The following KLHL13 variants were observed in gnomAD, a reference collection of about 807,000 sequenced individuals.
The protein encoded by KLHL13 is kelch-like protein 13.
A neutral mutation model predicts 37.1 loss-of-function variants in KLHL13; 10 were observed. The ratio of observed to expected loss-of-function variants is 0.27; its 90% confidence interval spans 0.17 to 0.46. The LOEUF is 0.46. KLHL13 is among the 20% of genes least tolerant of loss of function. The probability of loss-of-function intolerance (pLI) is 1.00; values close to 1 mark genes in which losing one functional copy is unlikely to be tolerated. For synonymous variants in KLHL13, 163 were observed against 181.2 expected (o/e 0.90, Z 0.81); for missense variants, 360 against 509.3 (o/e 0.71, Z 2.82).
At chrX:118,041,281 C>A (rs1231428782) in intron 1 of KLHL13, among the ~76,000 whole-genome samples, 3 of 112,190 alleles carry the variant, frequency 2.7e-5, no homozygotes, top group African/African-American at 9.7e-5. Flanking sequence ...AGCCCCAGTA[C>A]TTTGGGGGAC....
intron 1 of KLHL13, among the ~76,000 whole-genome samples, chrX:118,058,867 A>C (rs2054712115): frequency 8.9e-6 from 1 of 111,813 alleles, no homozygotes; most frequent in Non-Finnish European, 1.9e-5. Context: ...ACAGTAAAGA[A>C]ACAAGTAAAA....
chrX:117,940,040 G>A (rs1932938249), intron 2 of KLHL13, among the ~76,000 whole-genome samples: 1 of 111,876 alleles, frequency 8.9e-6, no homozygotes, highest in Admixed American at 9.5e-5. Flanking sequence ...GAATGGTATT[G>A]CCTAGGTTTT....
At chrX:117,924,482 T>C (rs1466731066) in intron 2 of KLHL13, among the ~76,000 whole-genome samples, 1 of 112,426 alleles carries the variant, frequency 8.9e-6, no homozygotes, top group African/African-American at 3.2e-5. Context: ...CCTTTTACTG[T>C]AAAATCATTT....
rs12846376 is a variant in KLHL13, at chrX:117,919,146, C to T, written c.570+375G>A. 4.7e-3 allele frequency among the ~76,000 whole-genome samples: 519 copies of T among 111,085 alleles called. 7 individuals carry two copies. The highest frequency in any genetic ancestry group is 0.016 in the African/African-American group (492 of 30,538). ...TCAAGCGATTCTCCTGCCTCAGCCT[C>T]CCAAGTAGCTGGAATTACAGGCATG... On this transcript the variant is annotated intron_variant, in intron 4 of 6. Coordinates refer to ENST00000262820, the Ensembl canonical transcript of KLHL13.
At chrX:117,996,898 T>A (rs1325849175) in intron 1 of KLHL13, among the ~76,000 whole-genome samples, 2 of 110,060 alleles carry the variant, frequency 1.8e-5, no homozygotes, top group African/African-American at 6.6e-5. Flanking sequence ...GACATTTCCA[T>A]CTCATCTGCA....
At chrX:117,983,463 T>C in intron 1 of KLHL13, 2 of 1,069,170 alleles carry the variant, frequency 1.9e-6, no homozygotes, top group Non-Finnish European at 2.4e-6. Flanking sequence ...AGGAAAAATG[T>C]AGACCCCTGG....
Position 118,104,879 on chromosome X carries a change from A to G in KLHL13, c.-56+11629T>C, listed in dbSNP as rs60693985. Among the ~76,000 whole-genome samples the G allele has an allele frequency of 2.1e-3, 240 of 112,722 alleles. 1 individual carries two copies. Among genetic ancestry groups the G allele is most frequent in the African/African-American group, 7.4e-3 (230 of 31,085 alleles). ...ATTACTGAATTATATTACTTTAAAC[A>G]GGTAAATTGTATGATGAGTGAATTA... is the stretch of plus-strand genomic sequence containing the variant. On this transcript the variant is annotated intron_variant, in intron 1 of 6. Transcript: ENST00000371882.
chrX:117,930,290 A>AAGGAAGGAAGGCAGGAAGGCAGGCAGGC (rs1556301121), intron 2 of KLHL13, among the ~76,000 whole-genome samples: 1 of 78,000 alleles, frequency 1.3e-5, no homozygotes, highest in African/African-American at 6.5e-5. Context: ...GGAAGGAAGG[A>AAGGAAGGAAGGCAGGAAGGCAGGCAGGC]AGGCAGGCAG....
intron 1 of KLHL13, among the ~76,000 whole-genome samples, chrX:118,099,420 G>A (rs912408396): frequency 9.0e-6 from 1 of 111,623 alleles, no homozygotes; most frequent in Non-Finnish European, 1.9e-5. Context: ...ATTAATATGT[G>A]TCTGAAGCTA....
At chrX:118,045,961 C>T (rs1187805516) in intron 1 of KLHL13, among the ~76,000 whole-genome samples, 2 of 112,076 alleles carry the variant, frequency 1.8e-5, no homozygotes, top group Non-Finnish European at 3.8e-5. Flanking sequence ...ATTAGTACCA[C>T]TACTATGGAG....
chrX:118,033,370 C>T (rs1462623929), intron 1 of KLHL13, among the ~76,000 whole-genome samples: 63 of 111,573 alleles, frequency 5.6e-4, no homozygotes, highest in Non-Finnish European at 1.1e-3. Context: ...CAAAGGGAAG[C>T]CCATCAGACT....
chrX:118,088,742 C>CT (rs1475395351), intron 1 of KLHL13, among the ~76,000 whole-genome samples: 1 of 111,653 alleles, frequency 9.0e-6, no homozygotes. Flanking sequence ...GTCAAACTTC[C>CT]TCTGGAAAGA....
At chrX:118,081,978 A>G (rs1369981351) in intron 1 of KLHL13, among the ~76,000 whole-genome samples, 2 of 100,408 alleles carry the variant, frequency 2.0e-5, no homozygotes, top group African/African-American at 3.7e-5. Context: ...GTGTGTGTGT[A>G]TACATATATC....
At chrX:117,957,609 TA>T (rs1219481978) in intron 1 of KLHL13, among the ~76,000 whole-genome samples, 1 of 112,221 alleles carries the variant, frequency 8.9e-6, no homozygotes, top group East Asian at 2.8e-4. Flanking sequence ...TCATTTAATT[TA>T]AATATAATAT....
intron 1 of KLHL13, among the ~76,000 whole-genome samples, chrX:118,111,921 G>T (rs917725822): frequency 6.3e-5 from 7 of 111,747 alleles, no homozygotes; most frequent in African/African-American, 2.3e-4. Context: ...AAGAAAAAGA[G>T]AAAAGAAAAA....
chrX:118,029,203 G>A (rs1242026280), intron 1 of KLHL13, among the ~76,000 whole-genome samples: 3 of 111,160 alleles, frequency 2.7e-5, no homozygotes, highest in Non-Finnish European at 5.6e-5. Flanking sequence ...AGTTAGAAGG[G>A]GGGAGTTGAG....
chrX:117,992,732 G>A (rs1191748683), intron 1 of KLHL13, among the ~76,000 whole-genome samples: 1 of 110,427 alleles, frequency 9.1e-6, no homozygotes, highest in Non-Finnish European at 1.9e-5. Flanking sequence ...CTACCTTTTT[G>A]AAGTATAATT....
exon 1 of KLHL13, chrX:117,973,377 T>G (rs1160370062): frequency 5.1e-6 from 5 of 972,375 alleles, no homozygotes; most frequent in Non-Finnish European, 5.3e-6. Flanking sequence ...AAATGGGATA[T>G]AAACCTCAGC....
chrX:117,921,784 TA>T (rs2147702123), intron 2 of KLHL13, among the ~76,000 whole-genome samples: 1 of 112,557 alleles, frequency 8.9e-6, no homozygotes, highest in South Asian at 3.7e-4. Flanking sequence ...TAAAGCTTTT[TA>T]AAGAAAATGC....
Sources: gnomAD v4.1 joint callset for allele counts (sites outside exome capture counted in the v4.1 genomes callset) on GRCh38, gnomAD v4.1.1 for gene constraint, MANE v1.5 for transcripts, NCBI Gene and HGNC (gene_info 2026-07-23, HGNC 2026-07-21) for gene names.